Variants in SPPL3 observed in about 807,000 individuals in gnomAD.
The protein encoded by SPPL3 is signal peptide peptidase-like 3.
In SPPL3, 5 loss-of-function variants were observed where a neutral mutation model predicts 42.4. The ratio of observed to expected loss-of-function variants is 0.12; its 90% confidence interval spans 0.06 to 0.25. The LOEUF is 0.25. Among genes scored for constraint, SPPL3 ranks in the 10% least tolerant of loss-of-function variants. SPPL3 has a pLI of 1.00. For missense variants in SPPL3, 235 were observed against 489.0 expected (o/e 0.48, Z 4.90); for synonymous variants, 195 against 181.8 (o/e 1.07, Z -0.58).
chr12:120,886,404 A>G (rs1873463099), intron 1 of SPPL3, among the ~76,000 whole-genome samples: 1 of 152,146 alleles, frequency 6.6e-6, no homozygotes, highest in African/African-American at 2.4e-5. Flanking sequence ...CAAATTCACA[A>G]CCTTACTCTG....
At chr12:120,772,611 T>A (rs1869164020) in intron 6 of SPPL3, among the ~76,000 whole-genome samples, 1 of 152,210 alleles carries the variant, frequency 6.6e-6, no homozygotes, top group Non-Finnish European at 1.5e-5. Context: ...CAGATATATT[T>A]CATTTTCATA....
chr12:120,901,959 C>T (rs1211582711), intron 1 of SPPL3: 1 of 984,882 alleles, frequency 1.0e-6, no homozygotes, highest in Admixed American at 6.1e-5. Flanking sequence ...CTGTACAGCA[C>T]AGTAAAAACA....
chr12:120,810,940 G>C, intron 1 of SPPL3, 54 bp from the exon 2 acceptor site: 2 of 1,332,242 alleles, frequency 1.5e-6, no homozygotes, highest in Non-Finnish European at 2.2e-6. Flanking sequence ...TCCTAATGGA[G>C]CTTACAGTCT....
At chr12:120,880,285 C>A (rs1253210070) in intron 1 of SPPL3, among the ~76,000 whole-genome samples, 1 of 151,806 alleles carries the variant, frequency 6.6e-6, no homozygotes, top group African/African-American at 2.4e-5. Flanking sequence ...AAAAATGGAT[C>A]AAAAACATAC....
At chr12:120,840,414 G>A (rs1456158461) in intron 1 of SPPL3, among the ~76,000 whole-genome samples, 1 of 151,256 alleles carries the variant, frequency 6.6e-6, no homozygotes, top group Non-Finnish European at 1.5e-5. Context: ...CCATTTATAT[G>A]AAATGTCCAG....
intron 3 of SPPL3, among the ~76,000 whole-genome samples, chr12:120,785,339 T>G (rs1260937100): frequency 1.3e-5 from 2 of 151,678 alleles, no homozygotes; most frequent in East Asian, 3.9e-4. Context: ...TGGGCTAGAG[T>G]AGGATTTAGC....
chr12:120,845,127 C>T (rs1408194762), intron 1 of SPPL3: 4 of 424,604 alleles, frequency 9.4e-6, no homozygotes, highest in East Asian at 7.5e-5. Flanking sequence ...GGTTCCGGAG[C>T]GGACTAGACA....
chr12:120,771,632 T>C (rs56163702), intron 6 of SPPL3, among the ~76,000 whole-genome samples: 3,736 of 152,276 alleles, frequency 0.025, 72 homozygotes, highest in Middle Eastern at 0.051. Context: ...CTCACCCTTG[T>C]AGTCTAGGCC....
chr12:120,805,845 T>C (rs899672887), intron 2 of SPPL3, among the ~76,000 whole-genome samples: 4 of 152,110 alleles, frequency 2.6e-5, no homozygotes, highest in Non-Finnish European at 4.4e-5. Flanking sequence ...ACACTATTAA[T>C]AGAAATTAAA....
At chr12:120,766,148 G>T in intron 10 of SPPL3, 115 bp downstream of exon 10, 2 of 746,078 alleles carry the variant, frequency 2.7e-6, no homozygotes, top group Non-Finnish European at 4.2e-6. Flanking sequence ...ACACAGTCGA[G>T]ATCACAAGCT....
intron 1 of SPPL3, among the ~76,000 whole-genome samples, chr12:120,867,657 AATGT>A (rs755477555): frequency 2.3e-4 from 5 of 21,560 alleles, no homozygotes; most frequent in South Asian, 2.1e-3. Flanking sequence ...CTGTCTTAAA[AATGT>A]ATATATATAT....
chr12:120,903,547 A>G, intron 1 of SPPL3: 1 of 399,516 alleles, frequency 2.5e-6, no homozygotes, highest in Non-Finnish European at 4.6e-6. Context: ...CATCCGTGGG[A>G]TTCCCACCCC....
chr12:120,766,159 C>T (rs1868895588), intron 10 of SPPL3, 104 bp downstream of exon 10: 1 of 898,880 alleles, frequency 1.1e-6, no homozygotes, highest in Non-Finnish European at 1.7e-6. Flanking sequence ...ATCACAAGCT[C>T]ACTCAGGGGC....
At chr12:120,880,766 G>A (rs577588107) in intron 1 of SPPL3, among the ~76,000 whole-genome samples, 2 of 151,572 alleles carry the variant, frequency 1.3e-5, no homozygotes, top group South Asian at 2.1e-4. Flanking sequence ...TAGCCTGGGC[G>A]ACAGAGAGAG....
At chr12:120,807,819 T>C (rs573872528) in intron 2 of SPPL3, among the ~76,000 whole-genome samples, 5 of 152,164 alleles carry the variant, frequency 3.3e-5, no homozygotes, top group Non-Finnish European at 7.4e-5. Context: ...TATCAAACAT[T>C]TAAAGACAAA....
At chr12:120,817,328 T>A (rs142783561) in intron 1 of SPPL3, among the ~76,000 whole-genome samples, 5 of 152,232 alleles carry the variant, frequency 3.3e-5, no homozygotes, top group African/African-American at 1.2e-4. Flanking sequence ...TTTTATATTG[T>A]TTTGCTTTCA....
intron 1 of SPPL3, among the ~76,000 whole-genome samples, chr12:120,901,378 G>C (rs1037245800): frequency 1.3e-5 from 2 of 151,822 alleles, no homozygotes; most frequent in Non-Finnish European, 2.9e-5. Context: ...AGATCACTGG[G>C]TCAGGAGTTT....
chr12:120,811,725 T>C (rs1306956222), intron 1 of SPPL3, among the ~76,000 whole-genome samples: 1 of 152,198 alleles, frequency 6.6e-6, no homozygotes, highest in Non-Finnish European at 1.5e-5. Context: ...CAGCAAAGTA[T>C]TTAATACTGC....
At chr12:120,892,202 C>G (rs369216033) in intron 1 of SPPL3, among the ~76,000 whole-genome samples, 12 of 152,276 alleles carry the variant, frequency 7.9e-5, no homozygotes, top group African/African-American at 2.9e-4. Context: ...CAAAGAAAAT[C>G]TGAGCACCTA....
Sources: allele counts gnomAD v4.1 joint callset (sites outside exome capture counted in the v4.1 genomes callset), GRCh38; gene constraint gnomAD v4.1.1; transcripts MANE v1.5; gene names NCBI Gene and HGNC (gene_info 2026-07-23, HGNC 2026-07-21).